Variants in CHD1 observed in about 807,000 individuals in gnomAD.
CHD1 encodes the protein ATP-dependent chromatin remodeler CHD1.
Under a neutral mutation model 224.2 loss-of-function variants are expected in CHD1, and 36 were observed. The ratio of observed to expected loss-of-function variants is 0.16; its 90% CI spans 0.12 to 0.21. The LOEUF (loss-of-function observed/expected upper bound fraction) is 0.21, where lower values mean the gene tolerates loss of function less well. Among genes scored for constraint, CHD1 ranks in the 10% least tolerant of loss-of-function variants. CHD1 has a pLI of 1.00. For synonymous variants in CHD1, 668 were observed against 658.3 expected (o/e 1.01, Z -0.23); for missense variants, 1,378 against 1,994.8 (o/e 0.69, Z 5.89).
intron 2 of CHD1, among the ~76,000 whole-genome samples, chr5:98,918,557 C>G (rs1752892275): frequency 6.6e-6 from 1 of 150,548 alleles, no homozygotes; most frequent in Non-Finnish European, 1.5e-5. Flanking sequence ...ATCACGAGGT[C>G]AGGAGATCGA....
At chr5:98,911,278 A>G (rs1471456551) in intron 2 of CHD1, among the ~76,000 whole-genome samples, 1 of 150,968 alleles carries the variant, frequency 6.6e-6, no homozygotes, top group Non-Finnish European at 1.5e-5. Context: ...AAATAAAGAC[A>G]GTTAAGGATC....
chr5:98,863,603 C>T lies in CHD1; in HGVS notation c.4249-17G>A. The T allele has an allele frequency of 6.3e-7, 1 of 1,575,642 alleles. No individual in the cohort carries two copies. ...TTCTTTACACTTTAAAATGAGAAAACAAGAATATAAACACATGTATTAAAA... is the reference window on the plus strand; with the variant it reads ...TTCTTTACACTTTAAAATGAGAAAATAAGAATATAAACACATGTATTAAAA... On this transcript the variant is annotated splice_polypyrimidine_tract_variant and intron_variant, in intron 31 of 35. Coordinates refer to ENST00000614616, the MANE Select transcript of CHD1 (RefSeq NM_001270.4).
rs1349524194 is a variant in CHD1, at chr5:98,894,869, T to G, written c.1711-183A>C. On this transcript the variant is annotated intron_variant, in intron 12 of 35. Transcript: ENST00000614616. ...AGAGTTTTGCTCTTGTTGTCCAGGG[T>G]GGAGTGCAATGGCGTGATCTCGGCT... Among the ~76,000 whole-genome samples, 31 of 151,596 alleles carry G rather than the reference T, an allele frequency of 2.0e-4. 1 individual carries two copies. Among genetic ancestry groups the G allele is most frequent in the Admixed American group, 2.0e-3 (30 of 15,224 alleles).
chr5:98,911,143 AAAAATATATATAT>A (rs1235548771), intron 2 of CHD1, among the ~76,000 whole-genome samples: 5 of 112,572 alleles, frequency 4.4e-5, no homozygotes, highest in East Asian at 2.2e-4. Context: ...AAAAAAAAAA[AAAAATATATATAT>A]ATATATATAT....
intron 2 of CHD1, among the ~76,000 whole-genome samples, chr5:98,916,560 A>C (rs997272412): frequency 6.6e-6 from 1 of 151,538 alleles, no homozygotes; most frequent in African/African-American, 2.4e-5. Context: ...AAAAAAAAAA[A>C]AAAAAAAAAA....
At chr5:98,864,948 A>G (rs140690599) in intron 31 of CHD1, among the ~76,000 whole-genome samples, 1 of 152,342 alleles carries the variant, frequency 6.6e-6, no homozygotes, top group African/African-American at 2.4e-5. Flanking sequence ...AGATGCAGGA[A>G]ATAGAGCTGT....
At chr5:98,893,706 A>G (rs1751167155) in intron 13 of CHD1, 100 bp from the exon 14 acceptor site, 5 of 758,828 alleles carry the variant, frequency 6.6e-6, no homozygotes. Flanking sequence ...AATAAAAATT[A>G]AAAACAAACT....
At chr5:98,924,805 A>G (rs1436983322) in intron 2 of CHD1, among the ~76,000 whole-genome samples, 1 of 151,948 alleles carries the variant, frequency 6.6e-6, no homozygotes, top group Non-Finnish European at 1.5e-5. Context: ...GCGAAACCCC[A>G]TCTCTACAAA....
intron 2 of CHD1, among the ~76,000 whole-genome samples, chr5:98,922,071 G>A (rs529649347): frequency 6.6e-6 from 1 of 152,100 alleles, no homozygotes; most frequent in Admixed American, 6.6e-5. Context: ...AAAACTGCCA[G>A]AACACAGGAG....
At chr5:98,914,441 C>T (rs1004546509) in intron 2 of CHD1, among the ~76,000 whole-genome samples, 10 of 152,034 alleles carry the variant, frequency 6.6e-5, no homozygotes, top group African/African-American at 2.4e-4. Context: ...TATACATACA[C>T]AATTTTAACT....
chr5:98,904,357 T>C (rs1000040891), intron 3 of CHD1, among the ~76,000 whole-genome samples: 1 of 152,214 alleles, frequency 6.6e-6, no homozygotes, highest in Non-Finnish European at 1.5e-5. Context: ...AAGCATCTTA[T>C]CTCATCACAG....
chr5:98,876,362 A>T (rs751353553), intron 24 of CHD1, 36 bp downstream of exon 24: 9 of 1,598,326 alleles, frequency 5.6e-6, no homozygotes, highest in Non-Finnish European at 7.7e-6. Flanking sequence ...CACTCTACTA[A>T]AACCAAGTTG....
rs1320082335 is a variant in CHD1 at position 98,854,193 on chromosome 5, T to C, written c.*2187A>G. The C allele has an allele frequency of 1.3e-5, 2 of 149,366 alleles. No homozygotes were observed. The highest frequency in any genetic ancestry group is 6.6e-5 in the Admixed American group (1 of 15,058). 9.3% of individuals were successfully genotyped at this position (149,366 alleles called of 1,614,324 possible). On this transcript the variant is annotated 3_prime_UTR_variant, in exon 36 of 36. Coordinates refer to ENST00000614616, the MANE Select transcript of CHD1 (RefSeq NM_001270.4). ...TAATTTTTCTGATTTCTTACAAAAA[T>C]GAACATATTTTATCATTTGATAAAT...
chr5:98,920,993 A>C (rs2112646804), intron 2 of CHD1, among the ~76,000 whole-genome samples: 1 of 152,256 alleles, frequency 6.6e-6, no homozygotes, highest in East Asian at 1.9e-4. Context: ...GAAAAGAGGG[A>C]GTTAATGGAA....
chr5:98,861,898 A>C (rs1034945272), intron 32 of CHD1, among the ~76,000 whole-genome samples: 1 of 151,880 alleles, frequency 6.6e-6, no homozygotes, highest in Non-Finnish European at 1.5e-5. Context: ...TAAAAAAAAA[A>C]TTCCCCCCAG....
intron 2 of CHD1, among the ~76,000 whole-genome samples, chr5:98,911,667 A>G (rs1752432319): frequency 6.6e-6 from 1 of 152,238 alleles, no homozygotes; most frequent in African/African-American, 2.4e-5. Flanking sequence ...TTTAGAAGAT[A>G]TATCATTACC....
rs919119913 is a variant in CHD1 at position 98,855,620 on chromosome 5, A to G, written c.*760T>C. On this transcript the variant is annotated 3_prime_UTR_variant, in exon 36 of 36. Transcript: ENST00000614616. ...GCCCCTTTCCCCATTTTTACATTCT[A>G]AACAATGATTCCATCAAGACAAATC... The G allele has an allele frequency of 2.6e-5, 4 of 152,066 alleles. No homozygotes were observed. The highest frequency in any genetic ancestry group is 7.2e-5 in the African/African-American group (3 of 41,418). 9.4% of individuals were successfully genotyped at this position (152,066 alleles called of 1,614,324 possible).
intron 2 of CHD1, among the ~76,000 whole-genome samples, chr5:98,915,032 C>A (rs746242189): frequency 1.8e-4 from 28 of 152,068 alleles, no homozygotes; most frequent in Non-Finnish European, 3.1e-4. Context: ...ACAACAACAA[C>A]AAAAAAACAA....
chr5:98,928,477 C>A (rs2112698292), intron 1 of CHD1, 62 bp downstream of exon 1: 1 of 153,334 alleles, frequency 6.5e-6, no homozygotes, highest in South Asian at 2.0e-4. Flanking sequence ...CGCCCGCCCT[C>A]CGCCCGGCCG....
Sources: gnomAD v4.1 joint callset for allele counts (sites outside exome capture counted in the v4.1 genomes callset) on GRCh38, gnomAD v4.1.1 for gene constraint, MANE v1.5 for transcripts, NCBI Gene and HGNC (gene_info 2026-07-23, HGNC 2026-07-21) for gene names.